Variants in SMYD3 observed in about 807,000 individuals in gnomAD.
SMYD3 encodes histone-lysine N-methyltransferase SMYD3.
A neutral mutation model predicts 57.7 loss-of-function variants in SMYD3; 36 were observed. The ratio of observed to expected loss-of-function variants is 0.62; its 90% CI spans 0.48 to 0.82. SMYD3 has a LOEUF of 0.82. Ranked by LOEUF, SMYD3 falls within the 40% of genes least tolerant of loss-of-function variation. The pLI, the probability that SMYD3 is intolerant of heterozygous loss-of-function variation, is 0.00. For synonymous variants in SMYD3, 211 were observed against 195.0 expected (o/e 1.08, Z -0.68); for missense variants, 515 against 538.8 (o/e 0.96, Z 0.44).
intron 5 of SMYD3, among the ~76,000 whole-genome samples, chr1:246,066,773 G>A (rs1278439210): frequency 2.0e-5 from 3 of 152,118 alleles, no homozygotes; most frequent in Non-Finnish European, 2.9e-5. Context: ...AGGGTGGGCC[G>A]GGCAGACTAT....
At chr1:246,436,559 T>G (rs1298690410) in intron 1 of SMYD3, among the ~76,000 whole-genome samples, 1 of 152,232 alleles carries the variant, frequency 6.6e-6, no homozygotes, top group Non-Finnish European at 1.5e-5. Flanking sequence ...TCCTCCGATC[T>G]GTCATAATTC....
At chr1:246,272,539 C>T (rs1048231611) in intron 5 of SMYD3, among the ~76,000 whole-genome samples, 4 of 152,112 alleles carry the variant, frequency 2.6e-5, no homozygotes, top group South Asian at 2.1e-4. Flanking sequence ...CAGATGATCA[C>T]GTGGGGTTTT....
chr1:246,367,020 T>C (rs1014234929), intron 1 of SMYD3, among the ~76,000 whole-genome samples: 14 of 151,950 alleles, frequency 9.2e-5, no homozygotes, highest in African/African-American at 3.4e-4. Flanking sequence ...GAAATGTCTA[T>C]GTCAAATCAA....
intron 11 of SMYD3, among the ~76,000 whole-genome samples, chr1:245,753,725 C>T (rs72766609): frequency 0.049 from 7,534 of 152,280 alleles, 292 homozygotes; most frequent in African/African-American, 0.094. Context: ...CTTCCCCTCA[C>T]ATTACCATCC....
chr1:245,936,615 C>G (rs2056990563), intron 5 of SMYD3, among the ~76,000 whole-genome samples: 1 of 152,144 alleles, frequency 6.6e-6, no homozygotes, highest in Admixed American at 6.5e-5. Flanking sequence ...TTGATTAAGG[C>G]CAGGCGCAGC....
chr1:245,982,560 A>T (rs1288588550), intron 5 of SMYD3, among the ~76,000 whole-genome samples: 1 of 152,230 alleles, frequency 6.6e-6, no homozygotes, highest in Non-Finnish European at 1.5e-5. Context: ...TACTTCCATC[A>T]AATAAATCTT....
intron 1 of SMYD3, among the ~76,000 whole-genome samples, chr1:246,431,346 A>G (rs976177195): frequency 1.3e-5 from 2 of 152,232 alleles, no homozygotes; most frequent in Non-Finnish European, 2.9e-5. Flanking sequence ...AAAAGAACCC[A>G]ATTAAAAATC....
At chr1:245,920,782 T>C (rs1215836690) in intron 7 of SMYD3, among the ~76,000 whole-genome samples, 11 of 152,202 alleles carry the variant, frequency 7.2e-5, no homozygotes, top group Non-Finnish European at 1.5e-5. Context: ...GTACCATATA[T>C]AAAAATTAAT....
chr1:246,460,956 A>G (rs1048349240), intron 1 of SMYD3, among the ~76,000 whole-genome samples: 3 of 152,236 alleles, frequency 2.0e-5, no homozygotes, highest in East Asian at 1.9e-4. Flanking sequence ...CCCAATCATC[A>G]TAAGAGTATC....
intron 5 of SMYD3, among the ~76,000 whole-genome samples, chr1:245,969,210 C>CG (rs2058233263): frequency 6.6e-6 from 1 of 152,192 alleles, no homozygotes; most frequent in African/African-American, 2.4e-5. Context: ...AAAATCAACA[C>CG]GGGTTTGCTG....
intron 5 of SMYD3, among the ~76,000 whole-genome samples, chr1:246,095,101 G>A (rs887044891): frequency 1.3e-5 from 2 of 152,086 alleles, no homozygotes; most frequent in Non-Finnish European, 2.9e-5. Flanking sequence ...CCAAAGCCCC[G>A]TGCACATATC....
intron 5 of SMYD3, among the ~76,000 whole-genome samples, chr1:246,250,291 C>G (rs1266234403): frequency 1.3e-5 from 2 of 152,186 alleles, no homozygotes; most frequent in Admixed American, 6.5e-5. Flanking sequence ...ACTCAGTTAT[C>G]ATGGAATAGC....
chr1:245,893,070 T>G (rs902762087), intron 8 of SMYD3, among the ~76,000 whole-genome samples: 2 of 152,178 alleles, frequency 1.3e-5, no homozygotes, highest in African/African-American at 4.8e-5. Flanking sequence ...TTTGAACAGA[T>G]ATATCAACAA....
intron 6 of SMYD3, among the ~76,000 whole-genome samples, chr1:245,928,514 A>T (rs2056526351): frequency 2.2e-5 from 1 of 44,482 alleles, no homozygotes. Context: ...CCTACTAAAA[A>T]TACAAAAAAA....
chr1:245,978,333 T>C (rs555279405), intron 5 of SMYD3, among the ~76,000 whole-genome samples: 1 of 152,322 alleles, frequency 6.6e-6, no homozygotes, highest in East Asian at 1.9e-4. Context: ...AAACTTTTCC[T>C]AGTGTGTGCA....
intron 5 of SMYD3, among the ~76,000 whole-genome samples, chr1:246,244,133 T>C (rs1028174677): frequency 7.9e-5 from 12 of 152,050 alleles, no homozygotes; most frequent in Non-Finnish European, 1.6e-4. Context: ...GTTTCTTCTC[T>C]TTTTACTATA....
In SMYD3 at chr1:246,426,230, T is replaced by C. The variant is rs2103003333; in HGVS notation, c.165-71136A>G. 1.3e-5 allele frequency: 2 copies of C among 152,360 alleles called. 1 individual carries two copies. The highest frequency in any genetic ancestry group is 4.8e-5 in the African/African-American group (2 of 41,584). 9.4% of individuals were successfully genotyped at this position (152,360 alleles called of 1,614,324 possible). A position where few individuals can be genotyped will look rare whatever the true frequency, so the allele number is the denominator to read the frequency against. ...ATTGAGTTATTTTACTGAGTTGGGA[T>C]TTTTTAACGACTTTATTGAGAAATC... On this transcript the variant is annotated intron_variant, in intron 1 of 11. Transcript: ENST00000490107.
intron 5 of SMYD3, among the ~76,000 whole-genome samples, chr1:246,304,591 C>G (rs1280298080): frequency 6.6e-6 from 1 of 152,080 alleles, no homozygotes; most frequent in Non-Finnish European, 1.5e-5. Context: ...CCAAGTAAAG[C>G]AAGCCCAAAG....
intron 10 of SMYD3, among the ~76,000 whole-genome samples, chr1:245,857,289 T>A (rs2051294758): frequency 6.6e-6 from 1 of 152,216 alleles, no homozygotes; most frequent in South Asian, 2.1e-4. Flanking sequence ...GGGGTCCTTG[T>A]GGACTGCACC....
Sources: allele counts gnomAD v4.1 joint callset (sites outside exome capture counted in the v4.1 genomes callset), GRCh38; gene constraint gnomAD v4.1.1; transcripts MANE v1.5; gene names NCBI Gene and HGNC (gene_info 2026-07-23, HGNC 2026-07-21).